Variants in EPHA5 observed in about 807,000 individuals in gnomAD.
EPHA5 encodes ephrin type-A receptor 5.
EPHA5 carries 60 observed loss-of-function variants against 105.0 expected under a neutral mutation model. That is an observed-to-expected ratio of 0.57 (90% CI 0.46 to 0.71). EPHA5 has a LOEUF of 0.71. EPHA5 is among the 30% of genes least tolerant of loss of function. EPHA5 has a pLI of 0.00. For missense variants in EPHA5, 1,218 were observed against 1,274.7 expected, an observed-to-expected ratio of 0.96 and a Z score of 0.68; for synonymous variants, 513 against 449.1, an observed-to-expected ratio of 1.14 and a Z score of -1.80.
intron 5 of EPHA5, among the ~76,000 whole-genome samples, chr4:65,462,709 A>G (rs922591784): frequency 6.6e-6 from 1 of 152,202 alleles, no homozygotes; most frequent in Admixed American, 6.5e-5. Flanking sequence ...GAAGCCACAG[A>G]TCTTTAGAGG....
chr4:65,666,702 A>T (rs1012133735), intron 1 of EPHA5, among the ~76,000 whole-genome samples: 1 of 152,172 alleles, frequency 6.6e-6, no homozygotes, highest in Non-Finnish European at 1.5e-5. Context: ...ACTACTAAGG[A>T]TATATTTATC....
intron 2 of EPHA5, 56 bp from the exon 3 acceptor site, chr4:65,602,360 G>T: frequency 7.4e-7 from 1 of 1,358,738 alleles, no homozygotes; most frequent in Non-Finnish European, 9.8e-7. Flanking sequence ...AAATAACAAG[G>T]AACTATAGCA....
chr4:65,476,119 A>AGTGT (rs772117051), intron 5 of EPHA5, among the ~76,000 whole-genome samples: 83 of 126,840 alleles, frequency 6.5e-4, no homozygotes, highest in South Asian at 4.1e-3. Context: ...AGAGAGAGAG[A>AGTGT]GAGAGAGAGT....
intron 4 of EPHA5, among the ~76,000 whole-genome samples, chr4:65,493,616 C>T (rs4379107): frequency 0.73 from 110,881 of 151,960 alleles, 40,563 homozygotes; most frequent in East Asian, 0.83. Flanking sequence ...TTTTATTTTA[C>T]TTTTAGAAAT....
At chr4:65,518,014 A>G (rs1734275372) in intron 3 of EPHA5, among the ~76,000 whole-genome samples, 1 of 151,968 alleles carries the variant, frequency 6.6e-6, no homozygotes, top group African/African-American at 2.4e-5. Context: ...TAGAAATAAT[A>G]TGCTCTTACA....
chr4:65,395,655 G>T (rs778199195), intron 8 of EPHA5, among the ~76,000 whole-genome samples: 18 of 152,090 alleles, frequency 1.2e-4, no homozygotes, highest in Admixed American at 2.6e-4. Flanking sequence ...TTCAATTGTT[G>T]AATAGAACAT....
At chr4:65,392,219 T>A (rs1250612192) in intron 8 of EPHA5, among the ~76,000 whole-genome samples, 1 of 152,128 alleles carries the variant, frequency 6.6e-6, no homozygotes, top group Non-Finnish European at 1.5e-5. Context: ...GAAAAAAGCA[T>A]GTAATCATGG....
intron 10 of EPHA5, among the ~76,000 whole-genome samples, chr4:65,365,660 TA>T (rs1717813985): frequency 3.7e-5 from 3 of 81,746 alleles, no homozygotes; most frequent in South Asian, 3.2e-4. Flanking sequence ...TATATATATA[TA>T]TATATATATA....
At chr4:65,433,031 G>A (rs1725123709) in intron 5 of EPHA5, among the ~76,000 whole-genome samples, 1 of 152,058 alleles carries the variant, frequency 6.6e-6, no homozygotes, top group African/African-American at 2.4e-5. Flanking sequence ...AATTCAAAGA[G>A]AGATGTAGCA....
chr4:65,581,003 T>C (rs1259773141), intron 3 of EPHA5, among the ~76,000 whole-genome samples: 1 of 151,840 alleles, frequency 6.6e-6, no homozygotes, highest in Non-Finnish European at 1.5e-5. Context: ...CCATTGCCTC[T>C]ATCTTTGGTG....
chr4:65,529,354 TTTA>T (rs1339504548), intron 3 of EPHA5, among the ~76,000 whole-genome samples: 1 of 152,154 alleles, frequency 6.6e-6, no homozygotes, highest in African/African-American at 2.4e-5. Context: ...TATAAATAAA[TTTA>T]TTGTTTCCTT....
chr4:65,319,840 C>G lies in EPHA5; in HGVS notation c.*4274G>C, dbSNP rs1719497728. ...ATGACTGAGTCTAAGTATTCTCAGGCTCTTATAAATGTAACTACTCACTTT... is the reference window on the plus strand; with the variant it reads ...ATGACTGAGTCTAAGTATTCTCAGGGTCTTATAAATGTAACTACTCACTTT... On this transcript the variant is annotated 3_prime_UTR_variant, in exon 17 of 17. Transcript: ENST00000613740. 4.4e-6 allele frequency: 1 copy of G among 229,246 alleles called. No homozygotes were observed. Among genetic ancestry groups the G allele is most frequent in the Non-Finnish European group, 8.7e-6 (1 of 115,560 alleles). The allele number at this position is 229,246 out of a possible 1,614,324, so 14.2% of individuals were successfully genotyped here.
chr4:65,629,024 A>C (rs575985509), intron 2 of EPHA5, among the ~76,000 whole-genome samples: 1 of 152,232 alleles, frequency 6.6e-6, no homozygotes, highest in Non-Finnish European at 1.5e-5. Context: ...ATGCTAAGAA[A>C]TAAGATGAAT....
At chr4:65,554,903 C>T (rs1738257767) in intron 3 of EPHA5, among the ~76,000 whole-genome samples, 1 of 143,696 alleles carries the variant, frequency 7.0e-6, no homozygotes, top group Admixed American at 7.4e-5. Context: ...TCTGTGCTAC[C>T]ACATAAGGTA....
In EPHA5 at chr4:65,406,995, A is replaced by G. The variant is rs1005162371; in HGVS notation, c.1688-2516T>C. Among the ~76,000 whole-genome samples the G allele has an allele frequency of 3.3e-5, 5 of 152,020 alleles. No homozygotes were observed. In the South Asian group the frequency reaches 6.2e-4, roughly 19 times the overall value. On this transcript the variant is annotated intron_variant, in intron 7 of 16. Coordinates refer to ENST00000613740, the MANE Select transcript of EPHA5 (RefSeq NM_001281766.3). ...CTTTTATGTTTCTCCCCATACATCA[A>G]TTATTTTTATCCATCACTCACCTAT...
At chr4:65,501,074 A>T (rs1383822132) in intron 3 of EPHA5, among the ~76,000 whole-genome samples, 1 of 151,450 alleles carries the variant, frequency 6.6e-6, no homozygotes, top group Non-Finnish European at 1.5e-5. Context: ...TTTTCAAAAT[A>T]AGGTACTCAG....
At chr4:65,337,767 A>T (rs1214567038) in intron 14 of EPHA5, among the ~76,000 whole-genome samples, 1 of 152,118 alleles carries the variant, frequency 6.6e-6, no homozygotes, top group Non-Finnish European at 1.5e-5. Context: ...GGTAAGGGTC[A>T]TCAGCACTTG....
chr4:65,368,681 T>G (rs757741193), intron 8 of EPHA5, among the ~76,000 whole-genome samples: 7 of 152,142 alleles, frequency 4.6e-5, no homozygotes, highest in Admixed American at 6.6e-5. Context: ...GTATATAAGA[T>G]GCTTTTCTAT....
chr4:65,571,405 A>C (rs2149375825), intron 3 of EPHA5, among the ~76,000 whole-genome samples: 1 of 151,660 alleles, frequency 6.6e-6, no homozygotes, highest in African/African-American at 2.4e-5. Context: ...GGAGTACCAC[A>C]AAATTTAAAA....
Sources: allele counts gnomAD v4.1 joint callset (sites outside exome capture counted in the v4.1 genomes callset), GRCh38; gene constraint gnomAD v4.1.1; transcripts MANE v1.5; gene names NCBI Gene and HGNC (gene_info 2026-07-23, HGNC 2026-07-21).